The following GKAP1 variants were observed in gnomAD, a reference collection of about 807,000 sequenced individuals.
GKAP1 encodes the protein G kinase anchoring protein 1.
In GKAP1, 31 loss-of-function variants were observed where a neutral mutation model predicts 56.7. The observed-to-expected ratio is 0.55, with a 90% confidence interval of 0.41 to 0.74. GKAP1 has a LOEUF of 0.74. GKAP1 is among the 30% of genes least tolerant of loss of function. The pLI is 0.00. For synonymous variants in GKAP1, 151 were observed against 138.6 expected (o/e 1.09, Z -0.63); for missense variants, 364 against 402.3 (o/e 0.90, Z 0.82).
intron 10 of GKAP1, among the ~76,000 whole-genome samples, chr9:83,744,230 A>G (rs1943253854): frequency 6.6e-6 from 1 of 152,222 alleles, no homozygotes; most frequent in South Asian, 2.1e-4. Context: ...CAGTTCTCCT[A>G]TAATGCTTGT....
chr9:83,804,283 A>T (rs1488459787), intron 3 of GKAP1, among the ~76,000 whole-genome samples: 1 of 122,530 alleles, frequency 8.2e-6, no homozygotes, highest in Non-Finnish European at 1.7e-5. Flanking sequence ...CAGCCGCCCC[A>T]TCTGGGAGGG....
At chr9:83,785,542 C>T (rs989764440) in intron 5 of GKAP1, among the ~76,000 whole-genome samples, 2 of 152,188 alleles carry the variant, frequency 1.3e-5, no homozygotes, top group Non-Finnish European at 2.9e-5. Flanking sequence ...CTTGTTATGC[C>T]ACCACCATGT....
chr9:83,747,121 G>A (rs775946098), intron 10 of GKAP1, among the ~76,000 whole-genome samples: 2 of 151,910 alleles, frequency 1.3e-5, no homozygotes, highest in Non-Finnish European at 2.9e-5. Flanking sequence ...TTTCTTTTGT[G>A]GTTTATAATT....
At chr9:83,807,959 T>G (rs146250201) in intron 2 of GKAP1, among the ~76,000 whole-genome samples, 4 of 152,194 alleles carry the variant, frequency 2.6e-5, no homozygotes, top group Non-Finnish European at 4.4e-5. Context: ...AGAAAAATAT[T>G]TGGAAATCTT....
At chr9:83,757,269 T>A (rs1389557195) in intron 8 of GKAP1, among the ~76,000 whole-genome samples, 1 of 152,158 alleles carries the variant, frequency 6.6e-6, no homozygotes, top group Non-Finnish European at 1.5e-5. Context: ...ACAGGAGTGG[T>A]CTGCTCCAGC....
At chr9:83,816,064 C>T (rs1017670975) in intron 2 of GKAP1, among the ~76,000 whole-genome samples, 1 of 150,858 alleles carries the variant, frequency 6.6e-6, no homozygotes, top group African/African-American at 2.4e-5. Context: ...AGCCAGGCGC[C>T]TGTAATCCCA....
At chr9:83,806,602 G>A in intron 2 of GKAP1, 42 bp from the exon 3 acceptor site, 2 of 1,092,194 alleles carry the variant, frequency 1.8e-6, no homozygotes, top group Admixed American at 5.0e-5. Flanking sequence ...TAAACAAACA[G>A]AGTAAAATCT....
chr9:83,756,470 C>CAAAAAAAAAAAAAAAAAA (rs142896755), intron 8 of GKAP1, among the ~76,000 whole-genome samples: 3 of 75,440 alleles, frequency 4.0e-5, no homozygotes, highest in African/African-American at 5.1e-5. Flanking sequence ...GACTCCATCT[C>CAAAAAAAAAAAAAAAAAA]AAAAAAAAAA....
chr9:83,798,286 T>C lies in GKAP1; in HGVS notation c.360+899A>G, dbSNP rs1021418609. Among the ~76,000 whole-genome samples, 6 of 152,240 alleles carry C rather than the reference T, an allele frequency of 3.9e-5. No homozygotes were observed. The East Asian group carries it at 1.2e-3, about 29-fold the overall frequency. ...GGCAAATAAATAATTCATCACTTAC[T>C]ATACATATAGCATCTCCTAGAGTAC... On this transcript the variant is annotated intron_variant, in intron 4 of 12. Coordinates refer to ENST00000376371, the MANE Select transcript of GKAP1 (RefSeq NM_025211.4).
intron 4 of GKAP1, among the ~76,000 whole-genome samples, chr9:83,789,607 C>T (rs1485157719): frequency 1.3e-5 from 2 of 152,076 alleles, no homozygotes; most frequent in African/African-American, 4.8e-5. Flanking sequence ...ATTCCAAAGT[C>T]CCATGGTTTC....
At chr9:83,780,614 C>T (rs2131287359) in intron 6 of GKAP1, among the ~76,000 whole-genome samples, 1 of 152,142 alleles carries the variant, frequency 6.6e-6, no homozygotes, top group East Asian at 1.9e-4. Flanking sequence ...CTAATTTACT[C>T]AGCTTAAGGA....
intron 8 of GKAP1, among the ~76,000 whole-genome samples, chr9:83,768,098 T>C (rs913484065): frequency 6.6e-6 from 1 of 152,224 alleles, no homozygotes; most frequent in African/African-American, 2.4e-5. Flanking sequence ...GCTTGCCCTG[T>C]TGTAAAGGAT....
Position 83,742,595 on chromosome 9 carries a change from CT to C in GKAP1, c.909del (p.Asp304IlefsTer23). 1 of 1,609,854 alleles carries C rather than the reference CT, an allele frequency of 6.2e-7. No homozygotes were observed. On this transcript the variant is annotated frameshift_variant, in exon 11 of 13. Coordinates refer to ENST00000376371, the MANE Select transcript of GKAP1 (RefSeq NM_025211.4). LOFTEE classifies it high-confidence loss of function. ...ACTTGCAGAAGTATTTCTGCCTTAT[CT>C]TTCACTGACAAAAAAGGAAAAACAG... ...LLKMLQEGEM[K>X]DKAEILLQVD...
At position 83,743,798 on chromosome 9, in the gene GKAP1, CT is replaced by C. The variant is rs1943246289; in HGVS notation, c.905-1199del. Among the ~76,000 whole-genome samples the C allele has an allele frequency of 2.0e-5, 3 of 152,172 alleles. 1 individual carries two copies. In the South Asian group the frequency reaches 6.2e-4, roughly 32 times the overall value. On this transcript the variant is annotated intron_variant, in intron 10 of 12. Coordinates refer to ENST00000376371, the MANE Select transcript of GKAP1 (RefSeq NM_025211.4). ...AGAACTATTCATTTTTTTCTAGAGGCTTCTCTCTCTTGGGAGAAGCGAGGTA... is the reference window on the plus strand; with the variant it reads ...AGAACTATTCATTTTTTTCTAGAGGCTCTCTCTCTTGGGAGAAGCGAGGTA...
chr9:83,809,633 A>G (rs923440401), intron 2 of GKAP1, among the ~76,000 whole-genome samples: 1 of 152,226 alleles, frequency 6.6e-6, no homozygotes, highest in African/African-American at 2.4e-5. Context: ...TTAAATCTCT[A>G]TATTGATTAT....
At chr9:83,759,127 TCC>T (rs1328104476) in intron 8 of GKAP1, among the ~76,000 whole-genome samples, 1 of 152,142 alleles carries the variant, frequency 6.6e-6, no homozygotes, top group Non-Finnish European at 1.5e-5. Flanking sequence ...TGGCAGCCCC[TCC>T]CCAATCATAC....
At chr9:83,768,524 A>T (rs1943701991) in intron 8 of GKAP1, among the ~76,000 whole-genome samples, 1 of 152,180 alleles carries the variant, frequency 6.6e-6, no homozygotes, top group African/African-American at 2.4e-5. Context: ...TGAGTGTCTA[A>T]GGGAAGAAAG....
At chr9:83,781,787 G>A (rs62561881) in intron 6 of GKAP1, among the ~76,000 whole-genome samples, 1 of 151,720 alleles carries the variant, frequency 6.6e-6, no homozygotes, top group African/African-American at 2.4e-5. Flanking sequence ...TGGAAAACAG[G>A]AGTTTTAGAA....
At chr9:83,810,499 G>A (rs959289719) in intron 2 of GKAP1, among the ~76,000 whole-genome samples, 18 of 152,154 alleles carry the variant, frequency 1.2e-4, no homozygotes, top group South Asian at 2.1e-4. Context: ...TAACAAAAAC[G>A]TTTTTCACAT....
Sources: allele counts gnomAD v4.1 joint callset (sites outside exome capture counted in the v4.1 genomes callset), GRCh38; gene constraint gnomAD v4.1.1; transcripts MANE v1.5; gene names NCBI Gene and HGNC (gene_info 2026-07-23, HGNC 2026-07-21).